The following INVS variants were observed in gnomAD, a reference collection of about 807,000 sequenced individuals.
The protein encoded by INVS is inversion of embryo turning homolog.
A neutral mutation model predicts 108.8 loss-of-function variants in INVS; 86 were observed. That is an observed-to-expected ratio of 0.79 (90% CI 0.66 to 0.95). The LOEUF (loss-of-function observed/expected upper bound fraction) is 0.95. INVS is among the 40% of genes least tolerant of loss of function. The probability of loss-of-function intolerance (pLI) is 0.00; values close to 1 mark genes in which losing one functional copy is unlikely to be tolerated. For missense variants in INVS, 1,169 were observed against 1,297.4 expected, an observed-to-expected ratio of 0.90 and a Z score of 1.52; for synonymous variants, 455 against 473.5, an observed-to-expected ratio of 0.96 and a Z score of 0.51.
At chr9:100,133,892 T>TGA (rs1373038148) in intron 3 of INVS, among the ~76,000 whole-genome samples, 1 of 152,026 alleles carries the variant, frequency 6.6e-6, no homozygotes, top group East Asian at 1.9e-4. Flanking sequence ...AAGACATGTA[T>TGA]GAGAATTACA....
Position 100,292,481 on chromosome 9 carries a change from G to GT in INVS, c.2225dup (p.Lys743GlufsTer12). The GT allele has an allele frequency of 4.3e-6, 7 of 1,614,156 alleles. No individual in the cohort carries two copies. Among genetic ancestry groups the GT allele is most frequent in the Non-Finnish European group, 5.1e-6 (6 of 1,180,030 alleles). The stretch of plus-strand genomic sequence containing the variant: ...GCGGTGTGCAAAGGGGAAAGGCTTC[G>GT]TGAAGCAGCCCTCCTGTATCAGGGT... On this transcript the variant is annotated frameshift_variant, in exon 14 of 17. Transcript: ENST00000262457. LOFTEE classifies it high-confidence loss of function.
At chr9:100,284,796 C>A (rs1033567521) in intron 13 of INVS, among the ~76,000 whole-genome samples, 193 bp downstream of exon 13, 8 of 152,022 alleles carry the variant, frequency 5.3e-5, no homozygotes, top group Non-Finnish European at 1.2e-4. Context: ...TAGGTTACTT[C>A]AGCATTTTTA....
intron 3 of INVS, among the ~76,000 whole-genome samples, chr9:100,206,534 T>C (rs892575536): frequency 1.1e-4 from 16 of 152,278 alleles, no homozygotes; most frequent in South Asian, 4.1e-4. Flanking sequence ...TGTGTAGATA[T>C]TGCCTTCTGA....
chr9:100,240,019 G>T (rs1348178021), intron 5 of INVS, 41 bp from the exon 6 acceptor site: 1 of 1,519,208 alleles, frequency 6.6e-7, no homozygotes, highest in South Asian at 1.1e-5. Flanking sequence ...ATTTATTGAG[G>T]ATTCCATGTA....
chr9:100,131,213 C>T (rs1828045447), intron 3 of INVS, among the ~76,000 whole-genome samples: 1 of 152,066 alleles, frequency 6.6e-6, no homozygotes, highest in African/African-American at 2.4e-5. Context: ...CTCTCTGAAT[C>T]TAGTAAGTTC....
intron 3 of INVS, among the ~76,000 whole-genome samples, chr9:100,166,646 T>C (rs577232009): frequency 6.6e-6 from 1 of 152,234 alleles, no homozygotes; most frequent in Non-Finnish European, 1.5e-5. Flanking sequence ...TACAAAGTCC[T>C]GTTCACCTGT....
At chr9:100,115,866 G>A (rs572082045) in intron 2 of INVS, among the ~76,000 whole-genome samples, 153 of 152,200 alleles carry the variant, frequency 1.0e-3, no homozygotes, top group African/African-American at 3.3e-3. Context: ...CTCAGGAATC[G>A]CCACACTGTC....
chr9:100,166,574 A>T (rs1390389098), intron 3 of INVS, among the ~76,000 whole-genome samples: 1 of 152,210 alleles, frequency 6.6e-6, no homozygotes, highest in East Asian at 1.9e-4. Context: ...CATTTTTAGC[A>T]GAACTGCCAG....
chr9:100,267,581 A>G (rs1475810214), intron 11 of INVS, among the ~76,000 whole-genome samples: 3 of 152,258 alleles, frequency 2.0e-5, no homozygotes. Context: ...CAGTTGATGA[A>G]CAACGTATAG....
intron 2 of INVS, chr9:100,117,366 C>T: frequency 1.3e-6 from 1 of 753,746 alleles, no homozygotes; most frequent in South Asian, 1.4e-5. Flanking sequence ...ATCTCAGATT[C>T]ATTAATGGGC....
At position 100,264,864 on chromosome 9, in the gene INVS, GA is replaced by G; in HGVS notation, c.1508del (p.Asp503ValfsTer7). ...TTGGTCCTGCAACAATGGATACCTT[GA>G]TGCCATTAAATTACTGCTAGACTTT... is the stretch of plus-strand genomic sequence containing the variant. Reference protein sequence around the residue: ...LHWSCNNGYLDAIKLLLDFAA... With the variant: ...LHWSCNNGYLXAIKLLLDFAA... On this transcript the variant is annotated frameshift_variant, in exon 11 of 17. Transcript: ENST00000262457. LOFTEE classifies it high-confidence loss of function. 1 of 1,613,710 alleles carries G rather than the reference GA, an allele frequency of 6.2e-7. No individual in the cohort carries two copies. The highest frequency in any genetic ancestry group is 8.5e-7 in the Non-Finnish European group (1 of 1,179,864).
intron 13 of INVS, among the ~76,000 whole-genome samples, chr9:100,290,989 T>C (rs1371375818): frequency 6.6e-6 from 1 of 151,594 alleles, no homozygotes; most frequent in African/African-American, 2.4e-5. Context: ...CTGGGCCCAC[T>C]GCACCCAGCC....
At chr9:100,169,869 A>C (rs763549711) in intron 3 of INVS, among the ~76,000 whole-genome samples, 3 of 152,228 alleles carry the variant, frequency 2.0e-5, no homozygotes, top group Non-Finnish European at 4.4e-5. Context: ...AAAATACTCC[A>C]AAAGAACTAA....
intron 3 of INVS, chr9:100,175,287 C>A: frequency 2.9e-6 from 2 of 681,094 alleles, no homozygotes; most frequent in Non-Finnish European, 5.4e-6. Context: ...AACTATCCAT[C>A]CTTGCATATA....
At chr9:100,265,285 A>C (rs1282984519) in intron 11 of INVS, among the ~76,000 whole-genome samples, 1 of 152,130 alleles carries the variant, frequency 6.6e-6, no homozygotes, top group Non-Finnish European at 1.5e-5. Flanking sequence ...TTTATCATAC[A>C]TCCTTTCTAC....
intron 3 of INVS, among the ~76,000 whole-genome samples, chr9:100,164,370 T>C (rs1426753375): frequency 2.6e-5 from 4 of 152,122 alleles, no homozygotes; most frequent in Non-Finnish European, 4.4e-5. Flanking sequence ...CTGCAAATTA[T>C]AGATGTGAAA....
intron 3 of INVS, among the ~76,000 whole-genome samples, chr9:100,191,347 A>C: frequency 6.6e-6 from 1 of 152,114 alleles, no homozygotes. Flanking sequence ...ACATAATCCC[A>C]TATGTTTTGG....
chr9:100,160,234 G>T (rs1394465323), intron 3 of INVS, among the ~76,000 whole-genome samples: 2 of 152,168 alleles, frequency 1.3e-5, no homozygotes, highest in Non-Finnish European at 1.5e-5. Context: ...TGGTTTTAAA[G>T]AGCTCACCAT....
intron 3 of INVS, among the ~76,000 whole-genome samples, chr9:100,178,980 T>C (rs772352689): frequency 4.6e-5 from 7 of 152,180 alleles, no homozygotes; most frequent in Non-Finnish European, 8.8e-5. Context: ...TGAGGGTCAA[T>C]ATTCAACATT....
Sources: allele counts gnomAD v4.1 joint callset (sites outside exome capture counted in the v4.1 genomes callset), GRCh38; gene constraint gnomAD v4.1.1; transcripts MANE v1.5; gene names NCBI Gene and HGNC (gene_info 2026-07-23, HGNC 2026-07-21).